DIS3L2: variants seen among roughly 807,000 people sequenced by gnomAD.
The protein encoded by DIS3L2 is DIS3-like exonuclease 2.
A neutral mutation model predicts 97.5 loss-of-function variants in DIS3L2; 34 were observed. The ratio of observed to expected loss-of-function variants is 0.35; its 90% CI spans 0.27 to 0.46. DIS3L2 has a LOEUF of 0.46. Ranked by LOEUF, DIS3L2 falls within the 20% of genes least tolerant of loss-of-function variation. The pLI is 1.00. For synonymous variants in DIS3L2, 435 were observed against 445.2 expected (o/e 0.98, Z 0.29); for missense variants, 1,038 against 1,146.0 (o/e 0.91, Z 1.36).
At chr2:232,042,757 C>T (rs1695143748) in intron 5 of DIS3L2, among the ~76,000 whole-genome samples, 1 of 152,182 alleles carries the variant, frequency 6.6e-6, no homozygotes, top group African/African-American at 2.4e-5. Flanking sequence ...CTGGAAACTC[C>T]TAATTAATAT....
chr2:232,015,634 A>G lies in DIS3L2; in HGVS notation c.173A>G (p.Asp58Gly), dbSNP rs981586581. 6.2e-7 allele frequency: 1 copy of G among 1,613,998 alleles called. No individual in the cohort carries two copies. ...SIFETYMSKE[D>G]VSEGLKRGTL... is the part of the protein sequence containing the mutation. Reference sequence around the variant, plus strand: ...TTTGAAACTTACATGTCCAAGGAGGATGTTTCAGAAGGCTTGAAGAGAGGA... The same window carrying G: ...TTTGAAACTTACATGTCCAAGGAGGGTGTTTCAGAAGGCTTGAAGAGAGGA... Residue 58 changes from aspartate (D) to glycine (G), a missense_variant, in exon 3 of 21, where the codon GAT (aspartate) becomes GGT (glycine). Asp to Gly is a moderately conservative substitution (Grantham distance 94). Transcript: ENST00000325385.
At chr2:232,298,953 C>T (rs1393417887) in intron 13 of DIS3L2, among the ~76,000 whole-genome samples, 2 of 152,238 alleles carry the variant, frequency 1.3e-5, no homozygotes, top group African/African-American at 2.4e-5. Flanking sequence ...TCTTCCATAA[C>T]TGAAGAAAGC....
At chr2:232,062,742 A>G (rs1403747774) in intron 5 of DIS3L2, among the ~76,000 whole-genome samples, 1 of 151,734 alleles carries the variant, frequency 6.6e-6, no homozygotes, top group Non-Finnish European at 1.5e-5. Context: ...AAAGACATGT[A>G]TGTATCTCCC....
intron 9 of DIS3L2, among the ~76,000 whole-genome samples, chr2:232,165,561 G>T (rs1360557938): frequency 6.6e-6 from 1 of 152,176 alleles, no homozygotes; most frequent in Non-Finnish European, 1.5e-5. Flanking sequence ...ATCTCACTCT[G>T]TTGCCCAGGC....
chr2:232,312,243 C>T (rs1291054289), intron 14 of DIS3L2, among the ~76,000 whole-genome samples: 2 of 152,050 alleles, frequency 1.3e-5, no homozygotes, highest in African/African-American at 2.4e-5. Flanking sequence ...TTTTTGTATA[C>T]CATTTAAGAA....
At chr2:232,083,496 C>CTT (rs759630455) in intron 5 of DIS3L2, among the ~76,000 whole-genome samples, 66 of 138,710 alleles carry the variant, frequency 4.8e-4, no homozygotes, top group African/African-American at 9.3e-4. Flanking sequence ...TCTTCTTCTT[C>CTT]TTTTTTTTTT....
chr2:232,143,472 A>G (rs759293379), intron 8 of DIS3L2, among the ~76,000 whole-genome samples: 1 of 152,122 alleles, frequency 6.6e-6, no homozygotes, highest in Non-Finnish European at 1.5e-5. Context: ...TCTTACAACT[A>G]TTATTGAAAT....
intron 10 of DIS3L2, among the ~76,000 whole-genome samples, chr2:232,233,520 G>T (rs992460518): frequency 6.6e-6 from 1 of 152,180 alleles, no homozygotes; most frequent in Non-Finnish European, 1.5e-5. Flanking sequence ...GGGGAGACTG[G>T]GGGGAGCAAA....
At chr2:232,054,571 T>C (rs545779031) in intron 5 of DIS3L2, among the ~76,000 whole-genome samples, 230 of 152,242 alleles carry the variant, frequency 1.5e-3, no homozygotes, top group African/African-American at 5.0e-3. Flanking sequence ...GTATGATTTT[T>C]GTCATAGAAC....
intron 1 of DIS3L2, among the ~76,000 whole-genome samples, chr2:231,992,813 C>A (rs1461122277): frequency 6.6e-6 from 1 of 152,152 alleles, no homozygotes; most frequent in African/African-American, 2.4e-5. Flanking sequence ...AAGACATTTT[C>A]TTGACATCAC....
chr2:232,015,760 T>C (rs1694337879), intron 3 of DIS3L2, 89 bp downstream of exon 3: 8 of 1,464,172 alleles, frequency 5.5e-6, no homozygotes, highest in Middle Eastern at 3.8e-4. Flanking sequence ...GCTATATGCT[T>C]TCAGAGAGAC....
chr2:232,337,214 CCTGACGAATGTGACTGTGT>C (rs58172662), downstream of DIS3L2: 45,838 of 987,246 alleles, frequency 0.046, 2,970 homozygotes, highest in African/African-American at 0.29. Context: ...CCCCCATCAC[CCTGACGAATGTGACTGTGT>C]CTGACGAATG....
At chr2:232,309,409 A>G (rs1695065011) in intron 14 of DIS3L2, among the ~76,000 whole-genome samples, 1 of 152,226 alleles carries the variant, frequency 6.6e-6, no homozygotes, top group African/African-American at 2.4e-5. Flanking sequence ...CGGAAGGCAG[A>G]GAGAGCCTTC....
intron 14 of DIS3L2, among the ~76,000 whole-genome samples, chr2:232,310,016 A>C (rs998342545): frequency 1.3e-5 from 2 of 152,214 alleles, no homozygotes; most frequent in East Asian, 1.9e-4. Flanking sequence ...GACAACTTCA[A>C]ACCAGCACCA....
At chr2:231,998,202 A>G (rs971747081) in intron 1 of DIS3L2, among the ~76,000 whole-genome samples, 1 of 152,182 alleles carries the variant, frequency 6.6e-6, no homozygotes, top group Non-Finnish European at 1.5e-5. Context: ...TGGAGTCTGG[A>G]AAGTCCAGTA....
chr2:232,144,229 C>T (rs1574907264), intron 8 of DIS3L2, among the ~76,000 whole-genome samples: 1 of 152,242 alleles, frequency 6.6e-6, no homozygotes, highest in Admixed American at 6.5e-5. Context: ...AACTTTCTAG[C>T]CAAACCATTC....
chr2:232,277,386 A>G (rs1333923000), intron 13 of DIS3L2, among the ~76,000 whole-genome samples: 1 of 152,220 alleles, frequency 6.6e-6, no homozygotes, highest in Admixed American at 6.5e-5. Context: ...GCTGTTATAA[A>G]TAACACTGCA....
At chr2:232,126,187 G>T (rs1366487610) in intron 6 of DIS3L2, among the ~76,000 whole-genome samples, 2 of 152,102 alleles carry the variant, frequency 1.3e-5, no homozygotes, top group Non-Finnish European at 2.9e-5. Flanking sequence ...TAAAATACAT[G>T]TGTGATATAT....
chr2:232,092,865 A>G (rs539733687), intron 6 of DIS3L2, among the ~76,000 whole-genome samples: 17 of 152,202 alleles, frequency 1.1e-4, no homozygotes, highest in South Asian at 4.1e-4. Flanking sequence ...TTCCTTTCCA[A>G]TTTGGGTGCC....
Sources: gnomAD v4.1 joint callset for allele counts (sites outside exome capture counted in the v4.1 genomes callset) on GRCh38, gnomAD v4.1.1 for gene constraint, MANE v1.5 for transcripts, NCBI Gene and HGNC (gene_info 2026-07-23, HGNC 2026-07-21) for gene names.